The following AAAS variants were observed in gnomAD, a reference collection of about 807,000 sequenced individuals.
The protein encoded by AAAS is aladin.
AAAS carries 60 observed loss-of-function variants against 75.6 expected under a neutral mutation model. The observed-to-expected ratio is 0.79, with a 90% CI of 0.64 to 0.98. The LOEUF (loss-of-function observed/expected upper bound fraction) is 0.98. Ranked by LOEUF, AAAS falls within the 50% of genes least tolerant of loss-of-function variation. The probability of loss-of-function intolerance (pLI) is 0.00; values close to 1 mark genes in which losing one functional copy is unlikely to be tolerated. For missense variants in AAAS, 658 were observed against 686.9 expected (o/e 0.96, Z 0.47); for synonymous variants, 271 against 265.0 (o/e 1.02, Z -0.22).
In AAAS at chr12:53,308,944, CAG is replaced by C. The variant is rs1179730272; in HGVS notation, c.996+14_996+15del. 5 of 1,614,094 alleles carry C rather than the reference CAG, an allele frequency of 3.1e-6. No homozygotes were observed. The African/African-American group carries it at 6.7e-5, about 22-fold the overall frequency. On this transcript the variant is annotated intron_variant, in intron 10 of 15. Transcript: ENST00000209873. ...CATCTCCTCCCCAGTGTCTGTGAAT[CAG>C]AGTCCCCTCTTACCTGACAGCGCCC...
At chr12:53,310,352 G>A (rs1944368524) in intron 7 of AAAS, among the ~76,000 whole-genome samples, 1 of 152,194 alleles carries the variant, frequency 6.6e-6, no homozygotes, top group African/African-American at 2.4e-5. Context: ...GAGGTCAAGA[G>A]ATCGAGACCA....
At chr12:53,314,480 C>T (rs1157801273) in intron 6 of AAAS, 39 bp from the exon 7 acceptor site, 2 of 1,612,918 alleles carry the variant, frequency 1.2e-6, no homozygotes, top group African/African-American at 1.3e-5. Context: ...AAGGCAGGAA[C>T]ACTAAGGCTC....
intron 1 of AAAS, 86 bp from the exon 2 acceptor site, chr12:53,320,778 CTAAGTA>C: frequency 6.7e-7 from 1 of 1,496,000 alleles, no homozygotes; most frequent in South Asian, 1.2e-5. Context: ...CACCGCTGGG[CTAAGTA>C]TAAGAGATTC....
intron 10 of AAAS, 55 bp from the exon 11 acceptor site, chr12:53,308,870 G>A (rs768530319): frequency 3.1e-6 from 5 of 1,613,218 alleles, no homozygotes; most frequent in Non-Finnish European, 4.2e-6. Context: ...GAATGCAGGA[G>A]GGAAAGTAGA....
In AAAS at chr12:53,307,478, CT is replaced by C. The variant is rs1565775677; in HGVS notation, c.*10del. 7.7e-5 allele frequency: 123 copies of C among 1,606,818 alleles called. No homozygotes were observed. The highest frequency in any genetic ancestry group is 1.0e-4 in the Non-Finnish European group (121 of 1,175,008). ...AACTGAGTGGAAAACAAAAGGAAAA[CT>C]TATTTATTCTTAGAGGTGGGAATGT... On this transcript the variant is annotated 3_prime_UTR_variant, in exon 16 of 16. Transcript: ENST00000209873.
chr12:53,316,873 A>C lies in AAAS; in HGVS notation c.252-1091T>G, dbSNP rs1335791080. Among the ~76,000 whole-genome samples the C allele has an allele frequency of 2.0e-5, 3 of 146,936 alleles. No individual in the cohort carries two copies. The East Asian group carries it at 6.2e-4, about 31-fold the overall frequency. On this transcript the variant is annotated intron_variant, in intron 2 of 15. Transcript: ENST00000209873. Reference sequence around the variant, plus strand: ...GGCAGGTGGATCGCCTGAGCTCAAGAGCTTGAGACCAGCCTAGGCAACATA... The same window carrying C: ...GGCAGGTGGATCGCCTGAGCTCAAGCGCTTGAGACCAGCCTAGGCAACATA...
intron 7 of AAAS, 43 bp from the exon 8 acceptor site, chr12:53,309,764 A>C (rs1565778328): frequency 2.4e-5 from 38 of 1,605,100 alleles, no homozygotes; most frequent in Non-Finnish European, 3.1e-5. Context: ...AGATGACAAG[A>C]AGCCATCCCC....
chr12:53,315,062 T>C (rs761605437), intron 5 of AAAS, 32 bp downstream of exon 5: 9 of 1,613,384 alleles, frequency 5.6e-6, no homozygotes, highest in Non-Finnish European at 7.6e-6. Flanking sequence ...CAGGACTTCC[T>C]TTCCACAAAG....
chr12:53,308,434 C>G lies in AAAS; in HGVS notation c.1181+1G>C. On this transcript the variant is annotated splice_donor_variant, in intron 12 of 15. Transcript: ENST00000209873. LOFTEE classifies it high-confidence loss of function. ...GCCACTCCCTCAACCACTCAGCTCA[C>G]CTCTCCTCACCATCTGGTGTCTGTA... 1 of 1,614,182 alleles carries G rather than the reference C, an allele frequency of 6.2e-7. No homozygotes were observed. Among genetic ancestry groups the G allele is most frequent in the South Asian group, 1.1e-5 (1 of 91,088 alleles).
chr12:53,309,131 C>T (rs1944344982), intron 9 of AAAS, 26 bp downstream of exon 9: 1 of 1,614,064 alleles, frequency 6.2e-7, no homozygotes, highest in Non-Finnish European at 8.5e-7. Flanking sequence ...AGGTCCTTGC[C>T]CTCCCTCCAT....
At chr12:53,320,298 G>A (rs1220010720) in intron 2 of AAAS, among the ~76,000 whole-genome samples, 1 of 152,128 alleles carries the variant, frequency 6.6e-6, no homozygotes, top group Non-Finnish European at 1.5e-5. Context: ...ACCTAATCAA[G>A]CCAGAAAGCA....
chr12:53,312,229 A>T (rs1944400373), intron 7 of AAAS, among the ~76,000 whole-genome samples: 1 of 151,352 alleles, frequency 6.6e-6, no homozygotes, highest in Non-Finnish European at 1.5e-5. Flanking sequence ...AAAAAAAAAA[A>T]TCTCATTATT....
chr12:53,320,560 C>T lies in AAAS; in HGVS notation c.251+5G>A. On this transcript the variant is annotated splice_donor_5th_base_variant and intron_variant, in intron 2 of 15. Transcript: ENST00000209873. The stretch of plus-strand genomic sequence containing the variant: ...TGACCCAGGAAACCCTTTGCCATGC[C>T]TCACCAAATGTTGATGCATCTCTTC... The T allele has an allele frequency of 6.2e-7, 1 of 1,613,726 alleles. No individual in the cohort carries two copies. Among genetic ancestry groups the T allele is most frequent in the Non-Finnish European group, 8.5e-7 (1 of 1,179,938 alleles).
intron 8 of AAAS, 121 bp downstream of exon 8, chr12:53,309,480 G>C (rs759625440): frequency 7.0e-6 from 11 of 1,565,096 alleles, no homozygotes; most frequent in Non-Finnish European, 8.7e-6. Context: ...GCTCCTCTCT[G>C]GGTAAGTTTA....
intron 2 of AAAS, 139 bp downstream of exon 2, chr12:53,320,415 ACTAAAAATTTC>A: frequency 9.2e-7 from 1 of 1,088,226 alleles, no homozygotes; most frequent in Non-Finnish European, 1.4e-6. Flanking sequence ...TATAATAAGG[ACTAAAAATTTC>A]ATATGATTTA....
In AAAS at chr12:53,309,438, G is replaced by A. The variant is rs140583749; in HGVS notation, c.811-157C>T. ...GTTCATGCTGACAATTACAGACAGC[G>A]GAATTTTAAACCTCACGAGTCTGAT... is the stretch of plus-strand genomic sequence containing the variant. On this transcript the variant is annotated intron_variant, in intron 8 of 15. Transcript: ENST00000209873. Among the ~76,000 whole-genome samples the A allele has an allele frequency of 3.1e-3, 475 of 152,300 alleles. 5 individuals are homozygous for A. The Middle Eastern group carries it at 0.041, about 13-fold the overall frequency.
In AAAS at chr12:53,321,563, G is replaced by A. The variant is rs1219102904; in HGVS notation, c.-98C>T. ...CGGTTCCCGGGCTAGATTCGTATGC[G>A]GACGGGTACCGCAAGGGACAAACGG... On this transcript the variant is annotated 5_prime_UTR_variant, in exon 1 of 16. Transcript: ENST00000209873. 1 of 1,596,458 alleles carries A rather than the reference G, an allele frequency of 6.3e-7. No homozygotes were observed.
At chr12:53,313,001 C>A (rs1350898049) in intron 7 of AAAS, among the ~76,000 whole-genome samples, 1 of 151,264 alleles carries the variant, frequency 6.6e-6, no homozygotes, top group Non-Finnish European at 1.5e-5. Flanking sequence ...AGACTACAGG[C>A]GAGCACCACC....
At chr12:53,321,189 A>G (rs1944548320) in intron 1 of AAAS, 154 bp downstream of exon 1, 1 of 1,234,042 alleles carries the variant, frequency 8.1e-7, no homozygotes, top group East Asian at 2.4e-5. Flanking sequence ...CAGTCCTAAA[A>G]CAGATTCCAG....
Sources: gnomAD v4.1 joint callset for allele counts (sites outside exome capture counted in the v4.1 genomes callset) on GRCh38, gnomAD v4.1.1 for gene constraint, MANE v1.5 for transcripts, NCBI Gene and HGNC (gene_info 2026-07-23, HGNC 2026-07-21) for gene names.